The following PLAGL1 variants were observed in gnomAD, a reference collection of about 807,000 sequenced individuals.
PLAGL1 encodes zinc finger protein PLAGL1.
PLAGL1 carries 1 observed loss-of-function variant against 4.6 expected under a neutral mutation model. The ratio of observed to expected loss-of-function variants is 0.22; its 90% confidence interval spans 0.08 to 1.03. The LOEUF is 1.03. Ranked by LOEUF, PLAGL1 falls within the 50% of genes least tolerant of loss-of-function variation. The pLI is 0.58. For missense variants in PLAGL1, 464 were observed against 570.4 expected (o/e 0.81, Z 1.90); for synonymous variants, 240 against 237.8 (o/e 1.01, Z -0.08).
At position 144,006,554 on chromosome 6, in the gene PLAGL1, T is replaced by G. The variant is rs1794227021; in HGVS notation, c.-584+1536A>C. 1 of 151,936 alleles carries G rather than the reference T, an allele frequency of 6.6e-6. No homozygotes were observed. The highest frequency in any genetic ancestry group is 1.5e-5 in the Non-Finnish European group (1 of 68,004). 9.4% of individuals were successfully genotyped at this position (151,936 alleles called of 1,614,324 possible). A position where few individuals can be genotyped will look rare whatever the true frequency, so the allele number is the denominator to read the frequency against. On this transcript the variant is annotated intron_variant, in intron 1 of 7. Transcript: ENST00000674357. The surrounding 1 kb of genome is among the most constrained non-coding windows in gnomAD (Gnocchi z 4.3). ...GGTTCTGAATTTTACATAGAAGATATCACACAGCATTCTCCGGCAACTTTT... is the reference window on the plus strand; with the variant it reads ...GGTTCTGAATTTTACATAGAAGATAGCACACAGCATTCTCCGGCAACTTTT...
chr6:143,949,642 C>A lies in PLAGL1; in HGVS notation c.-324-1182G>T, dbSNP rs1780594374. ...TGGGCAAATGCTCACCTTTCAAGTG[C>A]CAATACTTAAAAAAATTAAGAGTAC... On this transcript the variant is annotated intron_variant, in intron 6 of 7. Transcript: ENST00000674357. This position sits in a 1 kb window ranked among gnomAD's most constrained non-coding sequence, Gnocchi z 5.3. 6.6e-6 allele frequency among the ~76,000 whole-genome samples: 1 copy of A among 152,132 alleles called. No individual in the cohort carries two copies. The highest frequency in any genetic ancestry group is 1.5e-5 in the Non-Finnish European group (1 of 68,022).
Position 143,955,699 on chromosome 6 carries a change from G to A in PLAGL1, c.-325+4770C>T, listed in dbSNP as rs942653567. 1.1e-4 allele frequency among the ~76,000 whole-genome samples: 16 copies of A among 152,110 alleles called. No homozygotes were observed. The highest frequency in any genetic ancestry group is 2.9e-5 in the Non-Finnish European group (2 of 68,008). On this transcript the variant is annotated intron_variant, in intron 6 of 7. Coordinates refer to ENST00000674357, the MANE Select transcript of PLAGL1 (RefSeq NM_001317162.2). This position sits in a 1 kb window ranked among gnomAD's most constrained non-coding sequence, Gnocchi z 4.9. ...CAATGGGGACCGATCAGAAGCAGTG[G>A]ACTTGCCACCAGATTTCACTTTTTG... is the stretch of plus-strand genomic sequence containing the variant.
At chr6:144,037,807 G>A (rs965269714) in intron 1 of PLAGL1, 13 of 152,234 alleles carry the variant, frequency 8.5e-5, no homozygotes, top group African/African-American at 3.1e-4. Flanking sequence ...TTGATGTTGT[G>A]CTATTGTACA....
At chr6:143,988,370 A>G (rs1433438340) in intron 1 of PLAGL1, among the ~76,000 whole-genome samples, 1 of 152,250 alleles carries the variant, frequency 6.6e-6, no homozygotes, top group Non-Finnish European at 1.5e-5. Flanking sequence ...ATGCACGAAC[A>G]TCCCATAAAT....
Position 143,978,890 on chromosome 6 carries a change from A to G in PLAGL1, c.-544+6245T>C, listed in dbSNP as rs188916381. Among the ~76,000 whole-genome samples the G allele has an allele frequency of 3.9e-3, 601 of 152,278 alleles. 5 individuals carry two copies. The highest frequency in any genetic ancestry group is 0.014 in the African/African-American group (581 of 41,562). On this transcript the variant is annotated intron_variant, in intron 2 of 7. Transcript: ENST00000674357. The surrounding 1 kb of genome is among the most constrained non-coding windows in gnomAD (Gnocchi z 4.6). The stretch of plus-strand genomic sequence containing the variant: ...TTTCCAACTACTTGATCTATTATCT[A>G]TTGAAGGAAGGGTGCTGAAATCTGA...
rs1347574621 is a variant in PLAGL1, at chr6:144,055,049, A to T, written c.-151+9419T>A. Reference sequence around the variant, plus strand: ...TTTTCAACATGAATTGTCATAATAAAGGATTCCATCCAAGTGTTATTGAAG... The same window carrying T: ...TTTTCAACATGAATTGTCATAATAATGGATTCCATCCAAGTGTTATTGAAG... On this transcript the variant is annotated intron_variant, in intron 1 of 3. Coordinates refer to the PLAGL1 transcript ENST00000437412. The surrounding 1 kb of genome is among the most constrained non-coding windows in gnomAD (Gnocchi z 5.0). Among the ~76,000 whole-genome samples the T allele has an allele frequency of 6.6e-6, 1 of 152,224 alleles. No homozygotes were observed. The highest frequency in any genetic ancestry group is 1.5e-5 in the Non-Finnish European group (1 of 68,038).
intron 6 of PLAGL1, among the ~76,000 whole-genome samples, chr6:143,951,678 G>T (rs1303241453): frequency 6.6e-6 from 1 of 152,216 alleles, no homozygotes; most frequent in East Asian, 1.9e-4. Context: ...AGATGAATGG[G>T]ACAATCTGAG....
chr6:144,055,226 C>G lies in PLAGL1; in HGVS notation c.-151+9242G>C, dbSNP rs1190705782. The stretch of plus-strand genomic sequence containing the variant: ...ATGAAAACACACTTACCCAGAAACA[C>G]AGTGTGTTCGACAGAGAAGAAAGCT... On this transcript the variant is annotated intron_variant, in intron 1 of 3. Transcript: ENST00000437412. The surrounding 1 kb of genome is among the most constrained non-coding windows in gnomAD (Gnocchi z 5.0). Among the ~76,000 whole-genome samples the G allele has an allele frequency of 6.6e-6, 1 of 152,160 alleles. No individual in the cohort carries two copies. The highest frequency in any genetic ancestry group is 1.5e-5 in the Non-Finnish European group (1 of 68,038).
chr6:144,043,419 T>A (rs1443371485), intron 1 of PLAGL1, among the ~76,000 whole-genome samples: 1 of 152,230 alleles, frequency 6.6e-6, no homozygotes, highest in East Asian at 1.9e-4. Context: ...CTTTTCTGCA[T>A]CTATTGAGAT....
rs902015137 is a variant in PLAGL1, at chr6:143,989,482, C to T, written c.-583-4308G>A. 6.6e-6 allele frequency among the ~76,000 whole-genome samples: 1 copy of T among 152,150 alleles called. No individual in the cohort carries two copies. Among genetic ancestry groups the T allele is most frequent in the African/African-American group, 2.4e-5 (1 of 41,428 alleles). On this transcript the variant is annotated intron_variant, in intron 1 of 7. Coordinates refer to ENST00000674357, the MANE Select transcript of PLAGL1 (RefSeq NM_001317162.2). This position sits in a 1 kb window ranked among gnomAD's most constrained non-coding sequence, Gnocchi z 4.8. ...AAAGGTGGAAGGAGGAGGAATTCAC[C>T]CCCTTTTCTTCCTGCCTGCCTGAGC...
chr6:144,017,704 G>C (rs1795659113), intron 1 of PLAGL1, among the ~76,000 whole-genome samples: 1 of 152,058 alleles, frequency 6.6e-6, no homozygotes, highest in Non-Finnish European at 1.5e-5. Context: ...CCTCCTAATG[G>C]AAAACCTCCT....
chr6:143,980,030 G>C (rs1461981319), intron 2 of PLAGL1, among the ~76,000 whole-genome samples: 1 of 151,996 alleles, frequency 6.6e-6, no homozygotes, highest in African/African-American at 2.4e-5. Context: ...TTCACTACTT[G>C]GAAGGTGTCT....
At position 144,036,988 on chromosome 6, in the gene PLAGL1, A is replaced by G. The variant is rs1797290799; in HGVS notation, c.-151+27480T>C. ...ATTTGCACATGGAAAGGAAAACTAA[A>G]GGTAGTATCTTAAATCTTTCCTTCG... On this transcript the variant is annotated intron_variant, in intron 1 of 3. Coordinates refer to the PLAGL1 transcript ENST00000437412. The surrounding 1 kb of genome is among the most constrained non-coding windows in gnomAD (Gnocchi z 5.1). The G allele has an allele frequency of 5.8e-6, 1 of 173,154 alleles. No individual in the cohort carries two copies. The highest frequency in any genetic ancestry group is 2.4e-5 in the African/African-American group (1 of 41,564). The allele number at this position is 173,154 out of a possible 1,614,324, so 10.7% of individuals were successfully genotyped here.
chr6:144,030,995 C>T (rs1367411673), intron 1 of PLAGL1, among the ~76,000 whole-genome samples: 1 of 152,128 alleles, frequency 6.6e-6, no homozygotes, highest in African/African-American at 2.4e-5. Flanking sequence ...TATGTGTTCC[C>T]TTTCCACCGC....
chr6:143,941,528 C>A lies in PLAGL1; in HGVS notation c.1288G>T (p.Gly430Cys). The change falls in exon 8 of 8, where the codon GGC becomes TGC. Residue 430 changes from glycine to cysteine, a missense_variant. Gly to Cys is a radical substitution (Grantham distance 159). Coordinates refer to ENST00000674357, the MANE Select transcript of PLAGL1 (RefSeq NM_001317162.2). The surrounding 1 kb of genome is among the most constrained non-coding windows in gnomAD (Gnocchi z 6.0). Reference sequence around the variant, plus strand: ...GGGAGCTGGCCCAGGCTCACAGTGCCCATGGCAAGTGGGGGTTCTTGCTGC... The same window carrying A: ...GGGAGCTGGCCCAGGCTCACAGTGCACATGGCAAGTGGGGGTTCTTGCTGC... ...QQQQEPPLAM[G>C]TVSLGQLPLP... is the part of the protein sequence containing the mutation. 6.4e-7 allele frequency: 1 copy of A among 1,557,040 alleles called. No individual in the cohort carries two copies. The highest frequency in any genetic ancestry group is 8.7e-7 in the Non-Finnish European group (1 of 1,151,438).
intron 1 of PLAGL1, among the ~76,000 whole-genome samples, chr6:143,986,651 T>C (rs1423382949): frequency 6.6e-6 from 1 of 152,216 alleles, no homozygotes; most frequent in Non-Finnish European, 1.5e-5. Context: ...ACACCTATTG[T>C]GACAAACTTT....
chr6:144,007,514 A>G (rs1794505737), intron 1 of PLAGL1: 1 of 152,216 alleles, frequency 6.6e-6, no homozygotes, highest in Non-Finnish European at 1.5e-5. Flanking sequence ...TATATTCAGT[A>G]AAAGGTAGAA....
At chr6:144,052,483 T>C (rs563571474) in intron 1 of PLAGL1, among the ~76,000 whole-genome samples, 100 of 152,300 alleles carry the variant, frequency 6.6e-4, no homozygotes, top group Non-Finnish European at 1.2e-3. Flanking sequence ...ATAATGAACA[T>C]GGGGCAGGGA....
Position 143,979,573 on chromosome 6 carries a change from T to C in PLAGL1, c.-544+5562A>G, listed in dbSNP as rs1787445043. 6.6e-6 allele frequency among the ~76,000 whole-genome samples: 1 copy of C among 152,142 alleles called. No individual in the cohort carries two copies. The highest frequency in any genetic ancestry group is 1.5e-5 in the Non-Finnish European group (1 of 67,962). Reference sequence around the variant, plus strand: ...GGTGTACTTCCAAGGGATATACCAGTTCATGTAGAGTATAAAAACTTTATA... The same window carrying C: ...GGTGTACTTCCAAGGGATATACCAGCTCATGTAGAGTATAAAAACTTTATA... On this transcript the variant is annotated intron_variant, in intron 2 of 7. Coordinates refer to ENST00000674357, the MANE Select transcript of PLAGL1 (RefSeq NM_001317162.2). This position sits in a 1 kb window ranked among gnomAD's most constrained non-coding sequence, Gnocchi z 4.6.
Sources: allele counts gnomAD v4.1 joint callset (sites outside exome capture counted in the v4.1 genomes callset), GRCh38; gene constraint gnomAD v4.1.1; non-coding constraint Gnocchi (gnomAD v3.1); transcripts MANE v1.5; gene names NCBI Gene and HGNC (gene_info 2026-07-23, HGNC 2026-07-21).